PCDH11X: variants seen among roughly 807,000 people sequenced by gnomAD.
PCDH11X encodes protocadherin-11 X-linked.
Under a neutral mutation model 53.3 loss-of-function variants are expected in PCDH11X, and 18 were observed. That is an observed-to-expected ratio of 0.34 (90% CI 0.23 to 0.50). The LOEUF is 0.50. Ranked by LOEUF, PCDH11X falls within the 20% of genes least tolerant of loss-of-function variation. The pLI is 0.98. For synonymous variants in PCDH11X, 279 were observed against 393.3 expected, an observed-to-expected ratio of 0.71 and a Z score of 3.44; for missense variants, 570 against 1,032.4, an observed-to-expected ratio of 0.55 and a Z score of 6.14.
chrX:92,427,884 T>TA (rs4020643), intron 9 of PCDH11X, among the ~76,000 whole-genome samples: 22 of 32,888 alleles, frequency 6.7e-4, no homozygotes, highest in East Asian at 4.3e-3. Flanking sequence ...AATTATATTA[T>TA]GTATGGCATA....
intron 6 of PCDH11X, among the ~76,000 whole-genome samples, chrX:92,175,116 C>T (rs1426372717): frequency 9.0e-6 from 1 of 110,911 alleles, no homozygotes; most frequent in East Asian, 2.8e-4. Flanking sequence ...GCTGGGATTA[C>T]AGGCATGCAC....
At chrX:92,054,476 C>A (rs1028431636) in intron 6 of PCDH11X, among the ~76,000 whole-genome samples, 5 of 111,428 alleles carry the variant, frequency 4.5e-5, no homozygotes, top group African/African-American at 1.6e-4. Context: ...TTAATAGAGT[C>A]ATTGCTTCTT....
intron 10 of PCDH11X, among the ~76,000 whole-genome samples, chrX:92,592,771 TG>T (rs1201185420): frequency 8.9e-6 from 1 of 111,861 alleles, no homozygotes; most frequent in Non-Finnish European, 1.9e-5. Flanking sequence ...CCAGAAATAT[TG>T]GCTATTTATC....
intron 6 of PCDH11X, among the ~76,000 whole-genome samples, chrX:92,091,625 G>C (rs1167976689): frequency 9.0e-6 from 1 of 111,266 alleles, no homozygotes; most frequent in Non-Finnish European, 1.9e-5. Context: ...GCTTGGTTCA[G>C]AAAGGTGGGA....
intron 6 of PCDH11X, among the ~76,000 whole-genome samples, chrX:92,147,874 T>TTTCTC (rs2065313675): frequency 1.0e-5 from 1 of 96,211 alleles, no homozygotes; most frequent in East Asian, 3.4e-4. Context: ...TCTCTTTCCT[T>TTTCTC]TCTTTCTTTT....
intron 9 of PCDH11X, chrX:92,460,935 A>G (rs1287553376): frequency 1.3e-4 from 142 of 1,109,137 alleles, no homozygotes; most frequent in Non-Finnish European, 6.0e-5. Flanking sequence ...CAACAACACC[A>G]AAGTTCTGAG....
At chrX:91,856,932 C>T (rs1240089487) in intron 5 of PCDH11X, among the ~76,000 whole-genome samples, 3 of 111,515 alleles carry the variant, frequency 2.7e-5, no homozygotes, top group East Asian at 2.8e-4. Flanking sequence ...GTATCTGTAT[C>T]GTGCAATAAT....
intron 1 of PCDH11X, among the ~76,000 whole-genome samples, chrX:91,791,248 G>A (rs1935521883): frequency 9.1e-6 from 1 of 110,125 alleles, no homozygotes; most frequent in Non-Finnish European, 1.9e-5. Context: ...TTCTTGCATT[G>A]CTATAAAGAA....
In PCDH11X at chrX:92,452,688, G is replaced by A. The variant is rs868267013; in HGVS notation, c.3344-15611G>A. ...AATTTTTTTGTATTTTAGTAGAGACGGGGTTTCACCATGTTGGCCAGGATG... is the reference window on the plus strand; with the variant it reads ...AATTTTTTTGTATTTTAGTAGAGACAGGGTTTCACCATGTTGGCCAGGATG... On this transcript the variant is annotated intron_variant, in intron 9 of 10. Transcript: ENST00000682573. 4.4e-3 allele frequency among the ~76,000 whole-genome samples: 390 copies of A among 88,840 alleles called. 3 individuals are homozygous for A. The highest frequency in any genetic ancestry group is 0.015 in the African/African-American group (340 of 22,823). The allele number at this position is 88,840 out of a possible 115,157, so 77.1% of individuals were successfully genotyped here.
intron 8 of PCDH11X, among the ~76,000 whole-genome samples, chrX:92,320,162 A>T (rs2069168215): frequency 8.9e-6 from 1 of 111,789 alleles, no homozygotes; most frequent in Admixed American, 9.5e-5. Context: ...TACTGCTCAG[A>T]TTTGTGTACA....
At chrX:91,876,067 A>G (rs1398989783) in intron 5 of PCDH11X, among the ~76,000 whole-genome samples, 1 of 111,744 alleles carries the variant, frequency 8.9e-6, no homozygotes, top group Non-Finnish European at 1.9e-5. Flanking sequence ...AAATTTAGTG[A>G]CAATTCTTTT....
intron 7 of PCDH11X, among the ~76,000 whole-genome samples, chrX:92,242,103 A>C (rs1478408343): frequency 9.2e-6 from 1 of 108,340 alleles, no homozygotes; most frequent in African/African-American, 3.4e-5. Flanking sequence ...ATCTCAAAAA[A>C]AAAAAAGATA....
chrX:92,376,485 T>A (rs1277688145), intron 8 of PCDH11X, among the ~76,000 whole-genome samples: 2 of 111,894 alleles, frequency 1.8e-5, no homozygotes, highest in East Asian at 2.8e-4. Context: ...ACAAAAAAAA[T>A]ATCCAGCAGC....
intron 6 of PCDH11X, among the ~76,000 whole-genome samples, chrX:92,034,694 T>C (rs2063103254): frequency 9.1e-6 from 1 of 110,402 alleles, no homozygotes; most frequent in Non-Finnish European, 1.9e-5. Flanking sequence ...TTTTTATCCA[T>C]TCAGCTGTTT....
intron 6 of PCDH11X, among the ~76,000 whole-genome samples, chrX:92,007,348 C>A (rs922072377): frequency 8.9e-6 from 1 of 111,915 alleles, no homozygotes; most frequent in Non-Finnish European, 1.9e-5. Context: ...ACTCTTCCCC[C>A]CTCTTTCCAA....
chrX:92,063,044 G>A lies in PCDH11X; in HGVS notation c.3034-138331G>A, dbSNP rs188985044. Among the ~76,000 whole-genome samples, 746 of 110,781 alleles carry A rather than the reference G, an allele frequency of 6.7e-3. 5 individuals are homozygous for A. The highest frequency in any genetic ancestry group is 0.011 in the Non-Finnish European group (573 of 52,971). On this transcript the variant is annotated intron_variant, in intron 6 of 10. Transcript: ENST00000682573. The stretch of plus-strand genomic sequence containing the variant: ...AGGATGAGTTCATGTCCTTTGCAGG[G>A]ACGTGGATGAAGCTGGAAACCATCA...
rs1940882066 is a variant in PCDH11X at position 91,899,604 on chromosome X, T to C, written c.3033+20331T>C. Among the ~76,000 whole-genome samples, 3 of 110,399 alleles carry C rather than the reference T, an allele frequency of 2.7e-5. No homozygotes were observed. In the Admixed American group the frequency reaches 2.9e-4, roughly 11 times the overall value. ...TATATATATATATACATATAAAATC[T>C]TCAAATAATTACACCTAACATAATA... is the stretch of plus-strand genomic sequence containing the variant. On this transcript the variant is annotated intron_variant, in intron 6 of 10. Coordinates refer to ENST00000682573, the MANE Select transcript of PCDH11X (RefSeq NM_032968.5).
chrX:92,368,398 C>A (rs2070528100), intron 8 of PCDH11X, among the ~76,000 whole-genome samples: 2 of 111,678 alleles, frequency 1.8e-5, no homozygotes, highest in Non-Finnish European at 3.8e-5. Context: ...CTTCCTGTAA[C>A]CTTTTATCAA....
intron 10 of PCDH11X, among the ~76,000 whole-genome samples, chrX:92,610,290 C>T (rs1927236777): frequency 9.0e-6 from 1 of 110,954 alleles, no homozygotes; most frequent in Non-Finnish European, 1.9e-5. Flanking sequence ...AATAGCTATT[C>T]TGACTGGTGT....
Sources: gnomAD v4.1 joint callset for allele counts (sites outside exome capture counted in the v4.1 genomes callset) on GRCh38, gnomAD v4.1.1 for gene constraint, MANE v1.5 for transcripts, NCBI Gene and HGNC (gene_info 2026-07-23, HGNC 2026-07-21) for gene names.